Variants in AGBL4 observed in about 807,000 individuals in gnomAD.
AGBL4 encodes AGBL carboxypeptidase 4, also known as cytosolic carboxypeptidase 6.
AGBL4 carries 58 observed loss-of-function variants against 66.4 expected under a neutral mutation model. That is an observed-to-expected ratio of 0.87 (90% CI 0.71 to 1.09). The LOEUF is 1.09. Ranked by LOEUF, AGBL4 falls within the 50% of genes least tolerant of loss-of-function variation. The probability of loss-of-function intolerance (pLI) is 0.00; values close to 1 mark genes in which losing one functional copy is unlikely to be tolerated. For synonymous variants in AGBL4, 234 were observed against 222.9 expected (o/e 1.05, Z -0.44); for missense variants, 579 against 631.0 (o/e 0.92, Z 0.88).
downstream of AGBL4, among the ~76,000 whole-genome samples, chr1:48,530,938 G>A (rs887790526): frequency 4.9e-4 from 75 of 152,178 alleles, no homozygotes; most frequent in African/African-American, 1.6e-3. Flanking sequence ...GGAGCCAGGT[G>A]GGCTAGTAGC....
intron 5 of AGBL4, among the ~76,000 whole-genome samples, chr1:48,996,818 C>CCTTCCTTCCTTA (rs1553137073): frequency 2.3e-4 from 2 of 8,638 alleles, no homozygotes; most frequent in Non-Finnish European, 8.6e-4. Flanking sequence ...TTCCTTCCTC[C>CCTTCCTTCCTTA]CTTCCTTCCT....
intron 6 of AGBL4, among the ~76,000 whole-genome samples, chr1:48,665,897 C>A (rs1421577189): frequency 6.6e-6 from 1 of 152,188 alleles, no homozygotes; most frequent in Non-Finnish European, 1.5e-5. Context: ...TGGATGTCTC[C>A]CCTGACCCCG....
At chr1:49,245,749 C>T in intron 4 of AGBL4, 21 bp downstream of exon 4, 1 of 1,529,790 alleles carries the variant, frequency 6.5e-7, no homozygotes, top group Non-Finnish European at 8.9e-7. Flanking sequence ...AGGAAGGGGT[C>T]CCATTCTGTA....
Position 49,560,633 on chromosome 1 carries a change from C to T in AGBL4, c.282+136680G>A, listed in dbSNP as rs928300627. Among the ~76,000 whole-genome samples the T allele has an allele frequency of 3.3e-5, 5 of 152,166 alleles. No individual in the cohort carries two copies. In the South Asian group the frequency reaches 8.3e-4, roughly 25 times the overall value. ...TACAGGAAGATTATGCAACACCAAA[C>T]GGACTTAACCCAAATAATCAAACTA... On this transcript the variant is annotated intron_variant, in intron 3 of 13. Coordinates refer to ENST00000371839, the MANE Select transcript of AGBL4 (RefSeq NM_032785.4).
At chr1:49,664,576 T>A (rs886554207) in intron 3 of AGBL4, among the ~76,000 whole-genome samples, 1 of 152,060 alleles carries the variant, frequency 6.6e-6, no homozygotes, top group African/African-American at 2.4e-5. Flanking sequence ...TCAGCAAAAG[T>A]CAAGATGACA....
intron 11 of AGBL4, among the ~76,000 whole-genome samples, chr1:48,575,124 G>T (rs575445517): frequency 2.0e-5 from 3 of 152,248 alleles, no homozygotes; most frequent in Admixed American, 2.0e-4. Flanking sequence ...GTAGTGATTT[G>T]CTCGAGATCA....
chr1:48,797,605 CT>C (rs1234135635), intron 6 of AGBL4, among the ~76,000 whole-genome samples: 6 of 149,998 alleles, frequency 4.0e-5, no homozygotes, highest in Middle Eastern at 6.8e-3. Context: ...ACCACATTAT[CT>C]TTTTTTTTTG....
chr1:49,582,806 G>A (rs569717613), intron 3 of AGBL4, among the ~76,000 whole-genome samples: 18 of 152,164 alleles, frequency 1.2e-4, no homozygotes, highest in East Asian at 7.7e-4. Context: ...CCCTTATTGC[G>A]GATTTTCTCC....
At chr1:49,324,189 T>G (rs902030274) in intron 3 of AGBL4, among the ~76,000 whole-genome samples, 8 of 152,202 alleles carry the variant, frequency 5.3e-5, no homozygotes, top group African/African-American at 1.9e-4. Context: ...AACCCAAAAC[T>G]AATTTCTATC....
chr1:48,622,370 T>G (rs1180124384), intron 9 of AGBL4, among the ~76,000 whole-genome samples: 1 of 152,132 alleles, frequency 6.6e-6, no homozygotes, highest in African/African-American at 2.4e-5. Context: ...TTGTCTATCA[T>G]TAACATGTGC....
At chr1:49,838,104 A>C (rs1218445960) in intron 2 of AGBL4, among the ~76,000 whole-genome samples, 6 of 152,200 alleles carry the variant, frequency 3.9e-5, no homozygotes, top group Non-Finnish European at 4.4e-5. Context: ...ACTATTGGGA[A>C]AGCCAAAAGG....
At chr1:49,356,647 C>T (rs1008923624) in intron 3 of AGBL4, among the ~76,000 whole-genome samples, 3 of 152,068 alleles carry the variant, frequency 2.0e-5, no homozygotes, top group African/African-American at 4.8e-5. Context: ...CCTTGGTTAT[C>T]AAAAATAAGA....
At chr1:48,756,357 A>G (rs765986752) in intron 6 of AGBL4, among the ~76,000 whole-genome samples, 5 of 152,156 alleles carry the variant, frequency 3.3e-5, no homozygotes, top group Non-Finnish European at 7.3e-5. Flanking sequence ...TTTTGTCCCT[A>G]TGATGGCATT....
In AGBL4 at chr1:49,083,565, C is replaced by T. The variant is rs552931110; in HGVS notation, c.378-37765G>A. Among the ~76,000 whole-genome samples, 20 of 152,152 alleles carry T rather than the reference C, an allele frequency of 1.3e-4. 1 individual carries two copies. Among genetic ancestry groups the T allele is most frequent in the South Asian group, 4.1e-4 (2 of 4,830 alleles). ...AGGGCACCAAGTCCCCAGATAAGAG[C>T]GGGGGGCCCTGGGCCCAGCCCACAA... On this transcript the variant is annotated intron_variant, in intron 4 of 13. Transcript: ENST00000371839.
At chr1:48,860,763 C>A (rs1647393640) in intron 6 of AGBL4, among the ~76,000 whole-genome samples, 1 of 152,132 alleles carries the variant, frequency 6.6e-6, no homozygotes, top group South Asian at 2.1e-4. Context: ...ACTGCAAAAA[C>A]CATCACACAG....
At chr1:48,666,409 G>A (rs989897540) in intron 6 of AGBL4, among the ~76,000 whole-genome samples, 1 of 152,172 alleles carries the variant, frequency 6.6e-6, no homozygotes, top group Non-Finnish European at 1.5e-5. Context: ...CATGTAGGCT[G>A]ACATGCTCAA....
intron 4 of AGBL4, among the ~76,000 whole-genome samples, chr1:49,122,410 T>G (rs1472158782): frequency 6.6e-6 from 1 of 152,186 alleles, no homozygotes; most frequent in Non-Finnish European, 1.5e-5. Flanking sequence ...GTTGATGGCT[T>G]CCTAAATTTG....
chr1:48,634,453 GC>G, intron 9 of AGBL4, 39 bp downstream of exon 9: 1 of 1,486,982 alleles, frequency 6.7e-7, no homozygotes. Context: ...CCCAGATCAA[GC>G]CATAGATCAG....
At chr1:48,846,213 A>G (rs1322679489) in intron 6 of AGBL4, among the ~76,000 whole-genome samples, 2 of 152,094 alleles carry the variant, frequency 1.3e-5, no homozygotes, top group African/African-American at 4.8e-5. Context: ...AACCATTTGT[A>G]CTTTAAAAGA....
Sources: gnomAD v4.1 joint callset for allele counts (sites outside exome capture counted in the v4.1 genomes callset) on GRCh38, gnomAD v4.1.1 for gene constraint, MANE v1.5 for transcripts, NCBI Gene and HGNC (gene_info 2026-07-23, HGNC 2026-07-21) for gene names.